PTPN22: variants seen among roughly 807,000 people sequenced by gnomAD.
The protein encoded by PTPN22 is tyrosine-protein phosphatase non-receptor type 22.
Under a neutral mutation model 103.3 loss-of-function variants are expected in PTPN22, and 85 were observed. The observed-to-expected ratio is 0.82, with a 90% CI of 0.69 to 0.99. PTPN22 has a LOEUF of 0.99. Among genes scored for constraint, PTPN22 ranks in the 50% least tolerant of loss-of-function variants. The probability of loss-of-function intolerance (pLI) is 0.00; values close to 1 mark genes in which losing one functional copy is unlikely to be tolerated. For missense variants in PTPN22, 865 were observed against 936.9 expected (o/e 0.92, Z 1.00); for synonymous variants, 323 against 310.2 (o/e 1.04, Z -0.43).
At chr1:113,835,917 T>C (rs1348020264) in intron 13 of PTPN22, among the ~76,000 whole-genome samples, 3 of 134,598 alleles carry the variant, frequency 2.2e-5, no homozygotes, top group Non-Finnish European at 4.7e-5. Flanking sequence ...TCCCTGAAAA[T>C]AAGGGTATGT....
intron 11 of PTPN22, among the ~76,000 whole-genome samples, chr1:113,844,270 C>A (rs1663858478): frequency 6.6e-6 from 1 of 152,204 alleles, no homozygotes; most frequent in South Asian, 2.1e-4. Context: ...GCCTGGCCAA[C>A]ATGGCAAAAC....
rs762108722 is a variant in PTPN22 at position 113,841,563 on chromosome 1, GAACTCCTAA to G, written c.916-2952_916-2944del. On this transcript the variant is annotated intron_variant, in intron 11 of 20. Transcript: ENST00000359785. ...GGGATCAATATCCAGAATACATAGA[GAACTCCTAA>G]AACTCAACAACATGTAAACAACTCT... 1.6e-3 allele frequency among the ~76,000 whole-genome samples: 247 copies of G among 150,310 alleles called. 1 individual carries two copies. The highest frequency in any genetic ancestry group is 2.6e-3 in the Non-Finnish European group (178 of 67,688).
intron 16 of PTPN22, 57 bp downstream of exon 16, chr1:113,833,054 G>A (rs370976383): frequency 6.6e-5 from 97 of 1,474,324 alleles, no homozygotes; most frequent in Non-Finnish European, 8.0e-5. Context: ...TAAACTTAAC[G>A]AACCATTCTT....
At chr1:113,841,101 G>C (rs1018942826) in intron 11 of PTPN22, among the ~76,000 whole-genome samples, 2 of 152,130 alleles carry the variant, frequency 1.3e-5, no homozygotes, top group Non-Finnish European at 2.9e-5. Flanking sequence ...GCGCATGCCT[G>C]TAATCCCAGC....
Position 113,849,106 on chromosome 1 carries a change from G to C in PTPN22, c.829-480C>G, listed in dbSNP as rs138823791. Among the ~76,000 whole-genome samples, 344 of 152,262 alleles carry C rather than the reference G, an allele frequency of 2.3e-3. 3 individuals are homozygous for C. Among genetic ancestry groups the C allele is most frequent in the African/African-American group, 7.9e-3 (329 of 41,568 alleles). ...GTCCTCACAATTGCTCTATAAAGTA[G>C]ATAAGCTATTTATACCTATTTACAA... On this transcript the variant is annotated intron_variant, in intron 10 of 20. Coordinates refer to ENST00000359785, the Ensembl canonical transcript of PTPN22.
At chr1:113,851,623 A>C (rs1664578685) in intron 10 of PTPN22, among the ~76,000 whole-genome samples, 1 of 152,200 alleles carries the variant, frequency 6.6e-6, no homozygotes, top group South Asian at 2.1e-4. Flanking sequence ...CTGTTACCAC[A>C]TCCTGGGTAG....
exon 6 of PTPN22, chr1:113,856,558 G>C (rs143887079): frequency 6.2e-7 from 1 of 1,614,094 alleles, no homozygotes; most frequent in Non-Finnish European, 8.5e-7. Context: ...ACAGGATACA[G>C]AGAAAGGGCC....
intron 16 of PTPN22, among the ~76,000 whole-genome samples, chr1:113,830,762 A>G (rs2101926978): frequency 6.6e-6 from 1 of 152,278 alleles, no homozygotes; most frequent in Middle Eastern, 3.4e-3. Context: ...CATGATGTAA[A>G]TTTCTGAAGA....
chr1:113,841,015 A>G (rs1217386), intron 11 of PTPN22, among the ~76,000 whole-genome samples: 109,658 of 151,824 alleles, frequency 0.72, 40,066 homozygotes, highest in South Asian at 0.77. Context: ...ACCTGAGGTC[A>G]GGAGTTTGAG....
chr1:113,864,268 T>C lies in PTPN22; in HGVS notation c.88-4808A>G. ...GGCCAGGTGTGGTGGCTCATGGTTG[T>C]AATCTCAGCACTTTGGGAGGCTGAG... On this transcript the variant is annotated intron_variant, in intron 1 of 20. Coordinates refer to ENST00000359785, the Ensembl canonical transcript of PTPN22. 3 of 453,512 alleles carry C rather than the reference T, an allele frequency of 6.6e-6. 1 individual carries two copies. Among genetic ancestry groups the C allele is most frequent in the South Asian group, 4.7e-5 (3 of 64,438 alleles). The allele number at this position is 453,512 out of a possible 1,614,324, so 28.1% of individuals were successfully genotyped here. A position where few individuals can be genotyped will look rare whatever the true frequency, so the allele number is the denominator to read the frequency against.
chr1:113,829,640 A>C (rs778954362), exon 18 of PTPN22: 1 of 1,610,242 alleles, frequency 6.2e-7, no homozygotes, highest in Non-Finnish European at 8.5e-7. Flanking sequence ...TCTGTTTTGA[A>C]GATGTTGAAT....
intron 13 of PTPN22, among the ~76,000 whole-genome samples, chr1:113,836,103 A>C (rs1470414306): frequency 6.9e-6 from 1 of 145,874 alleles, no homozygotes; most frequent in Non-Finnish European, 1.5e-5. Context: ...TTTGCAACAA[A>C]GCTACAAATG....
intron 14 of PTPN22, among the ~76,000 whole-genome samples, chr1:113,834,684 A>T (rs1046166278): frequency 6.6e-6 from 1 of 152,018 alleles, no homozygotes; most frequent in Non-Finnish European, 1.5e-5. Context: ...TCCACCATCC[A>T]AATAGTTGGG....
At chr1:113,822,869 G>A (rs1571341068) in intron 19 of PTPN22, among the ~76,000 whole-genome samples, 1 of 152,282 alleles carries the variant, frequency 6.6e-6, no homozygotes, top group South Asian at 2.1e-4. Flanking sequence ...TGAGGCAGGA[G>A]AATCACTTGA....
intron 19 of PTPN22, 59 bp from the exon 20 acceptor site, chr1:113,819,713 G>T (rs1251232510): frequency 2.0e-5 from 23 of 1,136,942 alleles, no homozygotes; most frequent in Non-Finnish European, 2.8e-5. Context: ...GATGACTGTT[G>T]ATCAGATCAC....
intron 8 of PTPN22, 69 bp from the exon 9 acceptor site, chr1:113,854,606 G>A: frequency 6.9e-7 from 1 of 1,458,812 alleles, no homozygotes; most frequent in Non-Finnish European, 9.6e-7. Flanking sequence ...GACAGTAGCT[G>A]GAAAATTTCA....
chr1:113,838,165 T>C, exon 13 of PTPN22: 1 of 1,614,170 alleles, frequency 6.2e-7, no homozygotes, highest in Non-Finnish European at 8.5e-7. Flanking sequence ...CAAACTTTGA[T>C]GCTTCTGAAG....
chr1:113,820,693 A>G (rs1296825350), intron 19 of PTPN22, among the ~76,000 whole-genome samples: 1 of 152,186 alleles, frequency 6.6e-6, no homozygotes, highest in African/African-American at 2.4e-5. Context: ...ATGGAAAAAG[A>G]TAATTTCAGG....
chr1:113,840,479 A>T (rs1054371364), intron 11 of PTPN22, among the ~76,000 whole-genome samples: 15 of 152,226 alleles, frequency 9.9e-5, no homozygotes, highest in African/African-American at 3.6e-4. Flanking sequence ...GATTTAACCA[A>T]GGAGGCAAAA....
Sources: gnomAD v4.1 joint callset for allele counts (sites outside exome capture counted in the v4.1 genomes callset) on GRCh38, gnomAD v4.1.1 for gene constraint, MANE v1.5 for transcripts, NCBI Gene and HGNC (gene_info 2026-07-23, HGNC 2026-07-21) for gene names.